The following OPCML variants were observed in gnomAD, a reference collection of about 807,000 sequenced individuals.
The protein encoded by OPCML is opioid binding protein/cell adhesion molecule like.
Under a neutral mutation model 37.8 loss-of-function variants are expected in OPCML, and 13 were observed. The observed-to-expected ratio is 0.34, with a 90% CI of 0.22 to 0.55. The LOEUF (loss-of-function observed/expected upper bound fraction) is 0.55. OPCML is among the 20% of genes least tolerant of loss of function. The pLI is 0.91. For missense variants in OPCML, 341 were observed against 435.6 expected (o/e 0.78, Z 1.93); for synonymous variants, 176 against 168.8 (o/e 1.04, Z -0.33).
chr11:133,245,576 C>G lies in OPCML; in HGVS notation c.61+286688G>C, dbSNP rs556759101. Among the ~76,000 whole-genome samples, 61 of 152,242 alleles carry G rather than the reference C, an allele frequency of 4.0e-4. No individual in the cohort carries two copies. The South Asian group carries it at 0.012, about 31-fold the overall frequency. On this transcript the variant is annotated intron_variant, in intron 1 of 7. Coordinates refer to ENST00000524381, the MANE Select transcript of OPCML (RefSeq NM_001012393.5). ...ACTGAGTTAAGGCCTTCCTGAGACT[C>G]GTGTGTCAAAATCTCCAGCACAACC...
chr11:132,978,124 T>C (rs11825173), intron 1 of OPCML, among the ~76,000 whole-genome samples: 14,694 of 152,172 alleles, frequency 0.097, 1,498 homozygotes, highest in East Asian at 0.35. Flanking sequence ...GACCTCTGTC[T>C]GATAGTGGCA....
chr11:132,776,464 T>A (rs1946812554), intron 2 of OPCML, among the ~76,000 whole-genome samples: 1 of 152,134 alleles, frequency 6.6e-6, no homozygotes, highest in Non-Finnish European at 1.5e-5. Context: ...GCTGATTGGA[T>A]CATGGTGCAG....
chr11:132,589,099 C>A (rs1014722161), intron 3 of OPCML, among the ~76,000 whole-genome samples: 6 of 152,110 alleles, frequency 3.9e-5, no homozygotes, highest in African/African-American at 1.4e-4. Context: ...AACATAACCT[C>A]CATCAGTTAT....
intron 4 of OPCML, among the ~76,000 whole-genome samples, chr11:132,479,693 GCCT>G (rs950370083): frequency 6.5e-4 from 99 of 152,306 alleles, no homozygotes; most frequent in African/African-American, 2.0e-3. Flanking sequence ...CAGGCAGACT[GCCT>G]CCTCAAGTGG....
intron 2 of OPCML, among the ~76,000 whole-genome samples, chr11:132,690,885 C>A (rs530001861): frequency 3.0e-4 from 46 of 152,286 alleles, no homozygotes; most frequent in African/African-American, 1.0e-3. Context: ...AAGGAAATAT[C>A]ATAAGAAATT....
At chr11:132,964,610 C>T (rs1946172030) in intron 1 of OPCML, among the ~76,000 whole-genome samples, 1 of 152,112 alleles carries the variant, frequency 6.6e-6, no homozygotes, top group Non-Finnish European at 1.5e-5. Context: ...ACCTGCTCAC[C>T]AGTCCTCCCT....
chr11:133,194,239 C>A (rs570047424), intron 1 of OPCML, among the ~76,000 whole-genome samples: 6 of 114,592 alleles, frequency 5.2e-5, no homozygotes, highest in South Asian at 5.8e-4. Flanking sequence ...GATGGAGTTT[C>A]ACTCTGGTTG....
intron 3 of OPCML, among the ~76,000 whole-genome samples, chr11:132,571,660 G>C (rs979937334): frequency 5.9e-5 from 9 of 152,062 alleles, no homozygotes; most frequent in African/African-American, 2.2e-4. Context: ...GTTGTCTTTA[G>C]CCACTCATCC....
chr11:133,295,237 T>C (rs1942599876), intron 1 of OPCML, among the ~76,000 whole-genome samples: 1 of 152,218 alleles, frequency 6.6e-6, no homozygotes, highest in African/African-American at 2.4e-5. Context: ...GGTTTAAAGA[T>C]TTCTTCATTT....
At chr11:133,062,830 C>T (rs961249762) in intron 1 of OPCML, among the ~76,000 whole-genome samples, 5 of 152,236 alleles carry the variant, frequency 3.3e-5, no homozygotes, top group African/African-American at 1.2e-4. Flanking sequence ...TGAGCCTCTG[C>T]CTTGCCAAGC....
At chr11:132,739,307 T>C (rs1453845922) in intron 2 of OPCML, among the ~76,000 whole-genome samples, 1 of 152,228 alleles carries the variant, frequency 6.6e-6, no homozygotes, top group African/African-American at 2.4e-5. Context: ...TCCCACGTGT[T>C]TGCATGCTGC....
intron 2 of OPCML, among the ~76,000 whole-genome samples, chr11:132,720,295 A>T (rs949464216): frequency 3.9e-5 from 6 of 152,132 alleles, no homozygotes; most frequent in Non-Finnish European, 5.9e-5. Flanking sequence ...GCCGGCCAAG[A>T]CCTGGCCACA....
intron 3 of OPCML, among the ~76,000 whole-genome samples, chr11:132,538,237 A>C (rs866911707): frequency 6.6e-6 from 1 of 152,364 alleles, no homozygotes; most frequent in Middle Eastern, 3.4e-3. Flanking sequence ...CATACAAAGA[A>C]ACAAAGTACT....
At chr11:132,705,909 G>A (rs560556179) in intron 2 of OPCML, among the ~76,000 whole-genome samples, 5 of 152,270 alleles carry the variant, frequency 3.3e-5, no homozygotes, top group East Asian at 3.9e-4. Context: ...CCGGGTTCAA[G>A]TGATTCTCCT....
intron 1 of OPCML, among the ~76,000 whole-genome samples, chr11:133,193,595 G>T (rs1296233044): frequency 6.6e-6 from 1 of 152,108 alleles, no homozygotes; most frequent in Non-Finnish European, 1.5e-5. Flanking sequence ...TTTCTTTCAT[G>T]ATAAACACCT....
At chr11:132,884,982 G>A (rs1240650002) in intron 2 of OPCML, among the ~76,000 whole-genome samples, 2 of 152,206 alleles carry the variant, frequency 1.3e-5, no homozygotes, top group Non-Finnish European at 2.9e-5. Context: ...CCGAGTCCAA[G>A]CTGTGCAGCT....
intron 1 of OPCML, among the ~76,000 whole-genome samples, chr11:133,110,138 TA>T (rs1949228018): frequency 6.6e-6 from 1 of 152,170 alleles, no homozygotes; most frequent in South Asian, 2.1e-4. Context: ...TCCACTGTGG[TA>T]AGGTTGAACA....
At chr11:132,969,813 T>C (rs1371764969) in intron 1 of OPCML, among the ~76,000 whole-genome samples, 1 of 152,232 alleles carries the variant, frequency 6.6e-6, no homozygotes, top group Non-Finnish European at 1.5e-5. Flanking sequence ...TAAAGCATTG[T>C]CATGATACCT....
intron 1 of OPCML, chr11:133,418,390 A>G (rs2136886899): frequency 1.0e-6 from 1 of 985,292 alleles, no homozygotes; most frequent in South Asian, 4.7e-5. Flanking sequence ...AGCCACCTAA[A>G]TAGATTGGTG....
Sources: allele counts gnomAD v4.1 joint callset (sites outside exome capture counted in the v4.1 genomes callset), GRCh38; gene constraint gnomAD v4.1.1; transcripts MANE v1.5; gene names NCBI Gene and HGNC (gene_info 2026-07-23, HGNC 2026-07-21).